Variants in NCOA6 observed in about 807,000 individuals in gnomAD.
NCOA6 encodes nuclear receptor coactivator 6, also known as NRC RAP250.
A neutral mutation model predicts 171.4 loss-of-function variants in NCOA6; 49 were observed. The ratio of observed to expected loss-of-function variants is 0.29; its 90% CI spans 0.23 to 0.36. NCOA6 has a LOEUF of 0.36. Among genes scored for constraint, NCOA6 ranks in the 10% least tolerant of loss-of-function variants. The probability of loss-of-function intolerance (pLI) is 1.00; values close to 1 mark genes in which losing one functional copy is unlikely to be tolerated. For synonymous variants in NCOA6, 910 were observed against 927.5 expected (o/e 0.98, Z 0.34); for missense variants, 2,248 against 2,554.5 (o/e 0.88, Z 2.59).
chr20:34,813,140 C>T (rs1173336848), intron 1 of NCOA6, among the ~76,000 whole-genome samples: 4 of 145,948 alleles, frequency 2.7e-5, no homozygotes, highest in Middle Eastern at 3.6e-3. Flanking sequence ...GCCTGGGAGA[C>T]AAGAGTGAAA....
chr20:34,753,622 T>C (rs960010816), intron 8 of NCOA6, among the ~76,000 whole-genome samples: 1 of 151,694 alleles, frequency 6.6e-6, no homozygotes, highest in Non-Finnish European at 1.5e-5. Context: ...ATTGAGCCAC[T>C]GCACTCCAGC....
intron 1 of NCOA6, among the ~76,000 whole-genome samples, chr20:34,824,065 C>T (rs2079084340): frequency 6.6e-6 from 1 of 152,180 alleles, no homozygotes; most frequent in South Asian, 2.1e-4. Flanking sequence ...CAGGAAATAC[C>T]AAATAACTGG....
chr20:34,716,421 T>C (rs1988609349), intron 14 of NCOA6, among the ~76,000 whole-genome samples: 1 of 152,136 alleles, frequency 6.6e-6, no homozygotes, highest in South Asian at 2.1e-4. Context: ...ATCAGTGTTT[T>C]AACTTAATCT....
intron 3 of NCOA6, among the ~76,000 whole-genome samples, chr20:34,778,235 G>C (rs1015957296): frequency 6.6e-6 from 1 of 152,060 alleles, no homozygotes; most frequent in Non-Finnish European, 1.5e-5. Context: ...AAAAAGGAAG[G>C]ATATCCTGCC....
rs781781816 is a variant in NCOA6, at chr20:34,715,310, A to C, written c.*12T>G. ...CACACATTTCCAAGTATCAAGTCGC[A>C]GTCCTGCTTGTTTACTTGGATTTTC... is the stretch of plus-strand genomic sequence containing the variant. On this transcript the variant is annotated 3_prime_UTR_variant, in exon 15 of 15. Transcript: ENST00000359003. 1 of 1,614,024 alleles carries C rather than the reference A, an allele frequency of 6.2e-7. No homozygotes were observed. Among genetic ancestry groups the C allele is most frequent in the South Asian group, 1.1e-5 (1 of 91,076 alleles).
rs781260634 is a variant in NCOA6, at chr20:34,740,879, C to A, written c.5377G>T (p.Val1793Phe). 1 of 1,614,160 alleles carries A rather than the reference C, an allele frequency of 6.2e-7. No homozygotes were observed. The highest frequency in any genetic ancestry group is 8.5e-7 in the Non-Finnish European group (1 of 1,180,044). The change falls in exon 11 of 15, where the codon GTT (valine) becomes TTT (phenylalanine). Residue 1793 changes from valine (V) to phenylalanine (F), a missense_variant. Val to Phe is a conservative substitution (Grantham distance 50). Coordinates refer to ENST00000359003, the MANE Select transcript of NCOA6 (RefSeq NM_014071.5). ...GGACTATTGGTCAAAAGGGGAGAAA[C>A]CATTGTGGTTGACTGTGAAGAGGGA... ...TLPSSQSTTM[V>F]SPLLTNSPGS... is the part of the protein sequence containing the mutation.
chr20:34,782,043 G>A (rs951187045), intron 3 of NCOA6, 78 bp downstream of exon 3: 34 of 1,047,528 alleles, frequency 3.2e-5, no homozygotes, highest in Non-Finnish European at 4.5e-5. Context: ...AGCTTGTTTT[G>A]TAAAACTCAA....
At chr20:34,735,329 G>A (rs2075917213) in intron 12 of NCOA6, among the ~76,000 whole-genome samples, 1 of 152,016 alleles carries the variant, frequency 6.6e-6, no homozygotes. Flanking sequence ...GTATCATGTG[G>A]GCAATTGGCA....
chr20:34,761,466 T>C (rs1272541057), intron 5 of NCOA6, among the ~76,000 whole-genome samples: 1 of 152,130 alleles, frequency 6.6e-6, no homozygotes, highest in Non-Finnish European at 1.5e-5. Flanking sequence ...TGAGATATTT[T>C]GGTTATGCTT....
At chr20:34,795,367 A>C (rs1483750856) in intron 1 of NCOA6, among the ~76,000 whole-genome samples, 1 of 152,204 alleles carries the variant, frequency 6.6e-6, no homozygotes, top group Non-Finnish European at 1.5e-5. Flanking sequence ...GAGACTCTTC[A>C]TTTATGCCTC....
In NCOA6 at chr20:34,741,354, C is replaced by T. The variant is rs142682209; in HGVS notation, c.4902G>A (p.Ala1634=). The T allele has an allele frequency of 5.0e-6, 8 of 1,614,188 alleles. No homozygotes were observed. The highest frequency in any genetic ancestry group is 5.9e-6 in the Non-Finnish European group (7 of 1,180,034). ...LMSTVVTMPN[A]GSKVMVSEGQ... The stretch of plus-strand genomic sequence containing the variant: ...CCTCAGAAACCATAACCTTGCTACC[C>T]GCATTGGGCATTGTGACAACTGTTG... The change falls in exon 11 of 15, where the codon GCG becomes GCA. Residue 1634 remains alanine (A), a synonymous_variant. Transcript: ENST00000359003.
At chr20:34,814,692 A>G (rs1410828550) in intron 1 of NCOA6, among the ~76,000 whole-genome samples, 1 of 152,106 alleles carries the variant, frequency 6.6e-6, no homozygotes, top group Non-Finnish European at 1.5e-5. Flanking sequence ...CCCAGGTTCA[A>G]GCAATTTTCC....
intron 5 of NCOA6, among the ~76,000 whole-genome samples, chr20:34,763,289 C>T (rs917316986): frequency 6.6e-6 from 1 of 152,142 alleles, no homozygotes; most frequent in South Asian, 2.1e-4. Context: ...TGACCTCTTT[C>T]ATATTTCCAT....
chr20:34,764,903 C>T (rs1385595505), intron 5 of NCOA6, among the ~76,000 whole-genome samples: 4 of 150,928 alleles, frequency 2.7e-5, no homozygotes, highest in African/African-American at 7.3e-5. Context: ...CACCTCAGAG[C>T]AGGAGTTCAA....
At position 34,727,145 on chromosome 20, in the gene NCOA6, C is replaced by T; in HGVS notation, c.6148+114G>A. ...AAACAGGTAGTAGAAGACAAAGACA[C>T]TTGACAGACTTCAGGAACAGAAGCA... On this transcript the variant is annotated intron_variant, in intron 14 of 14. Coordinates refer to ENST00000359003, the MANE Select transcript of NCOA6 (RefSeq NM_014071.5). 3.1e-6 allele frequency: 4 copies of T among 1,281,172 alleles called. No individual in the cohort carries two copies. The Middle Eastern group carries it at 6.9e-4, about 220-fold the overall frequency. The allele number at this position is 1,281,172 out of a possible 1,614,324, so 79.4% of individuals were successfully genotyped here. A position where few individuals can be genotyped will look rare whatever the true frequency, so the allele number is the denominator to read the frequency against.
intron 3 of NCOA6, among the ~76,000 whole-genome samples, chr20:34,777,268 G>A (rs1203070421): frequency 3.3e-5 from 5 of 151,980 alleles, no homozygotes; most frequent in Non-Finnish European, 7.4e-5. Flanking sequence ...CATTACCATG[G>A]CTACTATCAA....
At chr20:34,782,824 T>C (rs1032162366) in intron 2 of NCOA6, among the ~76,000 whole-genome samples, 7 of 152,196 alleles carry the variant, frequency 4.6e-5, no homozygotes, top group African/African-American at 1.4e-4. Flanking sequence ...TCTAAAGCCT[T>C]CTTCTTTCTC....
intron 3 of NCOA6, among the ~76,000 whole-genome samples, chr20:34,781,376 T>G (rs752759656): frequency 1.3e-5 from 2 of 152,182 alleles, no homozygotes; most frequent in Non-Finnish European, 2.9e-5. Flanking sequence ...TAAATCAAGG[T>G]TCAAAACCAC....
chr20:34,734,642 G>A (rs1435739238), intron 12 of NCOA6, among the ~76,000 whole-genome samples: 15 of 151,910 alleles, frequency 9.9e-5, no homozygotes, highest in Non-Finnish European at 7.4e-5. Flanking sequence ...CATTACACCC[G>A]GCCTAGTTTG....
Sources: allele counts gnomAD v4.1 joint callset (sites outside exome capture counted in the v4.1 genomes callset), GRCh38; gene constraint gnomAD v4.1.1; transcripts MANE v1.5; gene names NCBI Gene and HGNC (gene_info 2026-07-23, HGNC 2026-07-21).